ABCA13: variants seen among roughly 807,000 people sequenced by gnomAD.
ABCA13 encodes the protein ATP binding cassette subfamily A member 13.
In ABCA13, 476 loss-of-function variants were observed where a neutral mutation model predicts 478.7. The observed-to-expected ratio is 0.99, with a 90% confidence interval of 0.92 to 1.07. The LOEUF (loss-of-function observed/expected upper bound fraction) is 1.07, where lower values mean the gene tolerates loss of function less well. Among genes scored for constraint, ABCA13 ranks in the 50% least tolerant of loss-of-function variants. ABCA13 has a pLI of 0.00. For synonymous variants in ABCA13, 2,252 were observed against 2,158.9 expected, an observed-to-expected ratio of 1.04 and a Z score of -1.20; for missense variants, 6,060 against 5,910.6, an observed-to-expected ratio of 1.03 and a Z score of -0.83.
At chr7:48,369,794 T>A (rs1180715627) in intron 32 of ABCA13, among the ~76,000 whole-genome samples, 1 of 152,078 alleles carries the variant, frequency 6.6e-6, no homozygotes, top group Non-Finnish European at 1.5e-5. Flanking sequence ...GGTGACTATG[T>A]CCTTATAGTA....
chr7:48,309,814 C>A, intron 23 of ABCA13, 133 bp from the exon 24 acceptor site: 1 of 903,890 alleles, frequency 1.1e-6, no homozygotes, highest in Non-Finnish European at 1.7e-6. Context: ...GGGCTCCCCG[C>A]ATCTGCAGGT....
chr7:48,171,811 C>T (rs1794104813), intron 1 of ABCA13, among the ~76,000 whole-genome samples: 1 of 152,118 alleles, frequency 6.6e-6, no homozygotes, highest in Non-Finnish European at 1.5e-5. Flanking sequence ...AACAAACAAA[C>T]AAAAAAGCAG....
At chr7:48,412,065 A>G (rs932956161) in intron 40 of ABCA13, among the ~76,000 whole-genome samples, 2 of 152,174 alleles carry the variant, frequency 1.3e-5, no homozygotes, top group African/African-American at 4.8e-5. Context: ...CTTCATGAAT[A>G]CAAACCTCTG....
intron 23 of ABCA13, among the ~76,000 whole-genome samples, chr7:48,306,067 C>A (rs1800858423): frequency 1.3e-5 from 2 of 152,332 alleles, no homozygotes; most frequent in Middle Eastern, 3.4e-3. Context: ...TACTCTCAAA[C>A]AGGAACAACG....
chr7:48,246,513 T>C (rs1482280910), intron 13 of ABCA13, among the ~76,000 whole-genome samples: 1 of 152,202 alleles, frequency 6.6e-6, no homozygotes, highest in Non-Finnish European at 1.5e-5. Context: ...AAGATTATTT[T>C]GTCAAGTTCC....
At chr7:48,298,276 T>TA (rs1799680654) in intron 22 of ABCA13, 90 bp from the exon 23 acceptor site, 1 of 1,227,928 alleles carries the variant, frequency 8.1e-7, no homozygotes, top group Non-Finnish European at 1.1e-6. Flanking sequence ...GAAACTATCC[T>TA]AGCCAGGTTG....
chr7:48,394,237 C>T (rs117226246), intron 38 of ABCA13, among the ~76,000 whole-genome samples: 67 of 152,300 alleles, frequency 4.4e-4, no homozygotes, highest in Non-Finnish European at 7.9e-4. Context: ...CCCCCTTCCA[C>T]CTCAAAACCC....
At chr7:48,235,164 T>G (rs1789759955) in intron 8 of ABCA13, among the ~76,000 whole-genome samples, 1 of 152,220 alleles carries the variant, frequency 6.6e-6, no homozygotes, top group African/African-American at 2.4e-5. Flanking sequence ...CAAAGTATAC[T>G]AAATTTTGTG....
In ABCA13 at chr7:48,219,357, G is replaced by T. The variant is rs761479771; in HGVS notation, c.291G>T (p.Leu97Phe). Residue 97 changes from leucine to phenylalanine, a missense_variant, in exon 4 of 62, where the codon TTG becomes TTT. By Grantham distance (22) the Leu-to-Phe change is conservative (BLOSUM62 0). Around this residue, in one of 3 missense-constraint regions of ABCA13, gnomAD observed 4,423 missense variants for 4,309.1 expected, o/e 1.03. Transcript: ENST00000435803. ...YEGSMEHHFRLSRFQTAADPK... is the reference protein window; with the variant it reads ...YEGSMEHHFRFSRFQTAADPK... ...GCAGTATTTATTCTGTTTAAAGTTTGTCTAGGTTCCAAACTGCAGCTGACC... is the reference window on the plus strand; with the variant it reads ...GCAGTATTTATTCTGTTTAAAGTTTTTCTAGGTTCCAAACTGCAGCTGACC... 1 of 1,607,120 alleles carries T rather than the reference G, an allele frequency of 6.2e-7. No homozygotes were observed. The highest frequency in any genetic ancestry group is 1.1e-5 in the South Asian group (1 of 89,338).
chr7:48,189,341 G>T (rs1251345640), intron 1 of ABCA13, among the ~76,000 whole-genome samples: 1 of 145,424 alleles, frequency 6.9e-6, no homozygotes, highest in East Asian at 2.2e-4. Context: ...CACCCCTGCA[G>T]AGAAATAGTC....
chr7:48,290,288 C>T (rs1385274151), intron 20 of ABCA13, among the ~76,000 whole-genome samples: 1 of 152,226 alleles, frequency 6.6e-6, no homozygotes, highest in African/African-American at 2.4e-5. Context: ...TGGGTGGGGG[C>T]TTCCTACTGC....
chr7:48,350,608 A>C (rs763428724), intron 29 of ABCA13, 35 bp from the exon 30 acceptor site: 17 of 1,543,296 alleles, frequency 1.1e-5, no homozygotes, highest in Admixed American at 3.8e-5. Flanking sequence ...GGGGATACAG[A>C]AGTTGATGTG....
chr7:48,341,996 A>G (rs968601449), intron 29 of ABCA13, among the ~76,000 whole-genome samples: 1 of 149,744 alleles, frequency 6.7e-6, no homozygotes, highest in African/African-American at 2.4e-5. Context: ...CCTTAACTGC[A>G]TCTCACTAAT....
rs1169201785 is a variant in ABCA13, at chr7:48,315,851, C to G, written c.9860-1306C>G. On this transcript the variant is annotated intron_variant, in intron 26 of 61. Coordinates refer to ENST00000435803, the MANE Select transcript of ABCA13 (RefSeq NM_152701.5). ...ACTTTATTGTCAAATAATTTTTTTC[C>G]TTTCAAATGGGAAGTTTGGGAAGAT... Among the ~76,000 whole-genome samples the G allele has an allele frequency of 2.6e-5, 4 of 152,106 alleles. No homozygotes were observed. The East Asian group carries it at 7.7e-4, about 29-fold the overall frequency.
At position 48,388,966 on chromosome 7, in the gene ABCA13, T is replaced by C. The variant is rs1815617250; in HGVS notation, c.11474-74T>C. 4.0e-6 allele frequency: 6 copies of C among 1,509,918 alleles called. No homozygotes were observed. In the South Asian group the frequency reaches 7.3e-5, roughly 18 times the overall value. The allele number at this position is 1,509,918 out of a possible 1,614,324, so 93.5% of individuals were successfully genotyped here. The stretch of plus-strand genomic sequence containing the variant: ...GGAATTCAATTTCAAAGCAGAATGC[T>C]GAATTAATAAATATGAGCATTATTT... On this transcript the variant is annotated intron_variant, in intron 36 of 61. Transcript: ENST00000435803.
At chr7:48,481,628 C>T (rs1349220912) in intron 46 of ABCA13, among the ~76,000 whole-genome samples, 3 of 59,152 alleles carry the variant, frequency 5.1e-5, no homozygotes, top group Admixed American at 1.6e-4. Flanking sequence ...GCCTCAGCCT[C>T]CCGAGTAGCT....
chr7:48,273,542 C>A lies in ABCA13; in HGVS notation c.3876C>A (p.Ser1292Arg). ...TGCTTGAAGTTTTCATTGAGTTTAG[C>A]AGTACCTCAGAATATATAGTCAGAA... is the stretch of plus-strand genomic sequence containing the variant. ...NSLLEVFIEF[S>R]STSEYIVRNL... Residue 1292 changes from serine to arginine, a missense_variant, in exon 17 of 62, where the codon AGC (serine) becomes AGA (arginine). Transcript: ENST00000435803. The A allele has an allele frequency of 6.3e-7, 1 of 1,583,058 alleles. No homozygotes were observed. Among genetic ancestry groups the A allele is most frequent in the Non-Finnish European group, 8.6e-7 (1 of 1,162,540 alleles).
intron 41 of ABCA13, among the ~76,000 whole-genome samples, chr7:48,421,766 T>C (rs4559189): frequency 0.38 from 57,974 of 152,070 alleles, 11,707 homozygotes; most frequent in African/African-American, 0.51. Flanking sequence ...TCTTTCTGCC[T>C]ATAAATACAA....
intron 41 of ABCA13, among the ~76,000 whole-genome samples, chr7:48,414,660 G>T (rs62447271): frequency 0.19 from 29,451 of 151,214 alleles, 3,243 homozygotes; most frequent in East Asian, 0.23. Flanking sequence ...TATGTTCAGG[G>T]TTTCGTTGTG....
Sources: allele counts gnomAD v4.1 joint callset (sites outside exome capture counted in the v4.1 genomes callset), GRCh38; gene constraint gnomAD v4.1.1; regional missense constraint gnomAD v4.1.1; transcripts MANE v1.5; gene names NCBI Gene and HGNC (gene_info 2026-07-23, HGNC 2026-07-21).